The following FNDC3B variants were observed in gnomAD, a reference collection of about 807,000 sequenced individuals.
FNDC3B encodes the protein fibronectin type III domain-containing protein 3B.
Under a neutral mutation model 151.5 loss-of-function variants are expected in FNDC3B, and 12 were observed. That is an observed-to-expected ratio of 0.08 (90% CI 0.05 to 0.13). The LOEUF (loss-of-function observed/expected upper bound fraction) is 0.13. Ranked by LOEUF, FNDC3B falls within the 10% of genes least tolerant of loss-of-function variation. The pLI is 1.00. For synonymous variants in FNDC3B, 528 were observed against 549.0 expected (o/e 0.96, Z 0.54); for missense variants, 1,214 against 1,505.3 (o/e 0.81, Z 3.20).
intron 1 of FNDC3B, among the ~76,000 whole-genome samples, chr3:172,087,651 A>G (rs1559960045): frequency 6.6e-6 from 1 of 152,176 alleles, no homozygotes; most frequent in African/African-American, 2.4e-5. Context: ...TTCAAATTTC[A>G]TTGCAAATTT....
chr3:172,197,557 A>G (rs575409681), intron 3 of FNDC3B, among the ~76,000 whole-genome samples: 1 of 152,350 alleles, frequency 6.6e-6, no homozygotes, highest in East Asian at 1.9e-4. Context: ...AAAATCCTTT[A>G]TAGCACAAGG....
At chr3:172,090,438 AAAC>A (rs1718760952) in intron 1 of FNDC3B, among the ~76,000 whole-genome samples, 1 of 152,058 alleles carries the variant, frequency 6.6e-6, no homozygotes, top group Admixed American at 6.5e-5. Context: ...ACAAACAAAC[AAAC>A]AAACAAACAA....
intron 16 of FNDC3B, among the ~76,000 whole-genome samples, chr3:172,338,598 T>G (rs1361674317): frequency 6.6e-6 from 1 of 152,244 alleles, no homozygotes; most frequent in Non-Finnish European, 1.5e-5. Flanking sequence ...AGTGCCTTTT[T>G]AAAAATTCTA....
At position 172,372,344 on chromosome 3, in the gene FNDC3B, C is replaced by T. The variant is rs566436248; in HGVS notation, c.3009-5926C>T. On this transcript the variant is annotated intron_variant, in intron 23 of 25. Transcript: ENST00000415807. ...GAAGACCCCTCAGAGATATTGCCAG[C>T]GTGGGCTGGGGCTCCTGTGGTACCA... Among the ~76,000 whole-genome samples, 6 of 152,274 alleles carry T rather than the reference C, an allele frequency of 3.9e-5. No homozygotes were observed. In the East Asian group the frequency reaches 5.8e-4, roughly 15 times the overall value.
At chr3:172,235,123 G>A (rs781720589) in intron 4 of FNDC3B, among the ~76,000 whole-genome samples, 2 of 151,946 alleles carry the variant, frequency 1.3e-5, no homozygotes, top group Non-Finnish European at 2.9e-5. Context: ...AAGGTGATAC[G>A]GTAAGTTTTG....
chr3:172,065,791 G>A (rs1289731907), intron 1 of FNDC3B, among the ~76,000 whole-genome samples: 1 of 152,164 alleles, frequency 6.6e-6, no homozygotes, highest in Non-Finnish European at 1.5e-5. Context: ...AATTGGGCTT[G>A]TCATGTTTAT....
At chr3:172,081,938 G>A (rs1718299438) in intron 1 of FNDC3B, among the ~76,000 whole-genome samples, 1 of 152,160 alleles carries the variant, frequency 6.6e-6, no homozygotes, top group South Asian at 2.1e-4. Context: ...TGGGCACAAT[G>A]GCTGAGTGAA....
At chr3:172,044,280 ACT>A (rs1401916703) in intron 1 of FNDC3B, among the ~76,000 whole-genome samples, 1 of 126,682 alleles carries the variant, frequency 7.9e-6, no homozygotes, top group African/African-American at 4.2e-5. Flanking sequence ...GAAAATTCCA[ACT>A]CTTTTTTTTT....
At chr3:172,195,085 A>G (rs1215258419) in intron 3 of FNDC3B, among the ~76,000 whole-genome samples, 1 of 152,226 alleles carries the variant, frequency 6.6e-6, no homozygotes, top group African/African-American at 2.4e-5. Context: ...TTTCAGTTAA[A>G]TCATGACCTT....
intron 4 of FNDC3B, among the ~76,000 whole-genome samples, chr3:172,228,957 G>A (rs998865802): frequency 6.6e-6 from 1 of 152,024 alleles, no homozygotes; most frequent in East Asian, 1.9e-4. Flanking sequence ...CTTCTTTAAC[G>A]CTGGCAGTAC....
At chr3:172,376,385 A>G (rs1163484058) in intron 23 of FNDC3B, among the ~76,000 whole-genome samples, 1 of 152,212 alleles carries the variant, frequency 6.6e-6, no homozygotes. Flanking sequence ...AGATTGTGGC[A>G]TGGCAGGAAA....
At chr3:172,084,468 T>G (rs1718445554) in intron 1 of FNDC3B, among the ~76,000 whole-genome samples, 1 of 33,712 alleles carries the variant, frequency 3.0e-5, no homozygotes, top group African/African-American at 9.5e-5. Context: ...AATATGTATA[T>G]GTATACACAC....
At chr3:172,200,194 T>G (rs541564501) in intron 3 of FNDC3B, among the ~76,000 whole-genome samples, 1 of 152,300 alleles carries the variant, frequency 6.6e-6, no homozygotes, top group African/African-American at 2.4e-5. Context: ...GACACACCAG[T>G]GCACCTAATG....
At chr3:172,282,370 A>C (rs1373129959) in intron 6 of FNDC3B, among the ~76,000 whole-genome samples, 1 of 152,136 alleles carries the variant, frequency 6.6e-6, no homozygotes, top group African/African-American at 2.4e-5. Context: ...AGAAGACAGA[A>C]TTCCATCTGG....
At chr3:172,273,500 A>G (rs888777314) in intron 6 of FNDC3B, among the ~76,000 whole-genome samples, 2 of 152,218 alleles carry the variant, frequency 1.3e-5, no homozygotes, top group South Asian at 2.1e-4. Flanking sequence ...GGGGCCTTAT[A>G]CATGCACAGA....
At chr3:172,204,688 GT>G (rs1725333478) in intron 3 of FNDC3B, among the ~76,000 whole-genome samples, 2 of 152,052 alleles carry the variant, frequency 1.3e-5, no homozygotes, top group Non-Finnish European at 2.9e-5. Context: ...GGGTTTTTTT[GT>G]TGTTGTCAGT....
At chr3:172,088,715 TAAA>T (rs1559960517) in intron 1 of FNDC3B, among the ~76,000 whole-genome samples, 1 of 152,130 alleles carries the variant, frequency 6.6e-6, no homozygotes, top group Non-Finnish European at 1.5e-5. Context: ...CACTTATAAA[TAAA>T]AAGATAAATT....
intron 3 of FNDC3B, among the ~76,000 whole-genome samples, chr3:172,171,689 C>T (rs1477970861): frequency 6.8e-6 from 1 of 147,998 alleles, no homozygotes; most frequent in East Asian, 2.0e-4. Context: ...AACAGCATGG[C>T]ATATTATTTA....
chr3:172,322,100 T>C (rs1732115332), intron 11 of FNDC3B, among the ~76,000 whole-genome samples: 1 of 152,250 alleles, frequency 6.6e-6, no homozygotes. Context: ...CACTTTCTTA[T>C]GCTTGTGGAC....
Sources: allele counts gnomAD v4.1 joint callset (sites outside exome capture counted in the v4.1 genomes callset), GRCh38; gene constraint gnomAD v4.1.1; transcripts MANE v1.5; gene names NCBI Gene and HGNC (gene_info 2026-07-23, HGNC 2026-07-21).